PCDH7: variants seen among roughly 807,000 people sequenced by gnomAD.
The protein encoded by PCDH7 is protocadherin-7.
In PCDH7, 17 loss-of-function variants were observed where a neutral mutation model predicts 58.9. The observed-to-expected ratio is 0.29, with a 90% CI of 0.20 to 0.43. The LOEUF is 0.43. Among genes scored for constraint, PCDH7 ranks in the 20% least tolerant of loss-of-function variants. The pLI, the probability that PCDH7 is intolerant of heterozygous loss-of-function variation, is 1.00. For synonymous variants in PCDH7, 664 were observed against 616.4 expected (o/e 1.08, Z -1.14); for missense variants, 1,274 against 1,441.0 (o/e 0.88, Z 1.88).
chr4:30,964,665 T>C (rs1300917013), intron 3 of PCDH7, among the ~76,000 whole-genome samples: 1 of 151,222 alleles, frequency 6.6e-6, no homozygotes, highest in Admixed American at 6.6e-5. Context: ...GCAGCAGATG[T>C]ACAGTTTCAG....
chr4:31,053,657 C>A (rs961930571), intron 3 of PCDH7, among the ~76,000 whole-genome samples: 1 of 152,128 alleles, frequency 6.6e-6, no homozygotes, highest in South Asian at 2.1e-4. Context: ...TCACTGTACT[C>A]TCTTTTTACT....
At chr4:30,938,194 T>A (rs907474164) in intron 2 of PCDH7, among the ~76,000 whole-genome samples, 3 of 152,118 alleles carry the variant, frequency 2.0e-5, no homozygotes, top group Non-Finnish European at 4.4e-5. Flanking sequence ...ACATTATTGC[T>A]CAGACACACA....
At chr4:31,102,703 G>A (rs910219588) in intron 3 of PCDH7, among the ~76,000 whole-genome samples, 1 of 151,864 alleles carries the variant, frequency 6.6e-6, no homozygotes. Flanking sequence ...TATGAAAGGT[G>A]TAGAAAGGTG....
exon 1 of PCDH7, chr4:30,724,482 C>A (rs200262066): frequency 6.2e-7 from 1 of 1,613,964 alleles, no homozygotes; most frequent in African/African-American, 1.3e-5. Context: ...AACACCAGGC[C>A]GTACAAGATC....
chr4:31,054,374 A>T (rs1756985228), intron 3 of PCDH7, among the ~76,000 whole-genome samples: 1 of 152,206 alleles, frequency 6.6e-6, no homozygotes, highest in Admixed American at 6.5e-5. Context: ...GAAAATTATT[A>T]ACATGTCCAA....
intron 3 of PCDH7, among the ~76,000 whole-genome samples, chr4:30,986,965 G>C (rs1751027045): frequency 6.7e-6 from 1 of 149,544 alleles, no homozygotes; most frequent in Admixed American, 6.7e-5. Flanking sequence ...TGACGACAGA[G>C]CGAGATTCCG....
intron 3 of PCDH7, among the ~76,000 whole-genome samples, chr4:31,110,686 C>T (rs887154207): frequency 2.8e-4 from 42 of 152,022 alleles, no homozygotes; most frequent in African/African-American, 1.0e-3. Flanking sequence ...GAGGCCGAGT[C>T]GGGTGGATCA....
Position 31,036,762 on chromosome 4 carries a change from G to A in PCDH7, c.*7+86547G>A, listed in dbSNP as rs372103907. Among the ~76,000 whole-genome samples the A allele has an allele frequency of 1.5e-3, 224 of 152,096 alleles. 1 individual carries two copies. Among genetic ancestry groups the A allele is most frequent in the African/African-American group, 5.1e-3 (213 of 41,506 alleles). On this transcript the variant is annotated intron_variant, in intron 3 of 3. Coordinates refer to the PCDH7 transcript ENST00000509759. Reference sequence around the variant, plus strand: ...CATACCTGTATTAGTTCATTTTCACGTAGCTAATAAAGACATACTGGAGAC... The same window carrying A: ...CATACCTGTATTAGTTCATTTTCACATAGCTAATAAAGACATACTGGAGAC...
chr4:30,921,390 T>C (rs1004319884), intron 2 of PCDH7, among the ~76,000 whole-genome samples: 8 of 152,126 alleles, frequency 5.3e-5, no homozygotes, highest in African/African-American at 1.9e-4. Flanking sequence ...GTTTCTTTAG[T>C]GCTGATATAT....
intron 1 of PCDH7, among the ~76,000 whole-genome samples, chr4:30,824,127 C>CTTTCTTTCTTTT (rs1560407884): frequency 7.6e-5 from 11 of 144,348 alleles, no homozygotes; most frequent in Admixed American, 2.8e-4. Context: ...TTCTTTCTTT[C>CTTTCTTTCTTTT]TTTCTTTCTT....
intron 3 of PCDH7, among the ~76,000 whole-genome samples, chr4:31,007,463 A>G (rs774327680): frequency 6.6e-6 from 1 of 152,182 alleles, no homozygotes; most frequent in African/African-American, 2.4e-5. Context: ...AGACTGTCCT[A>G]GCATAAAAGA....
At chr4:30,913,077 G>T (rs10027633) in intron 1 of PCDH7, among the ~76,000 whole-genome samples, 104,780 of 150,712 alleles carry the variant, frequency 0.7, 36,686 homozygotes, top group African/African-American at 0.79. Flanking sequence ...AAACTATACA[G>T]GAACTTTTGG....
chr4:31,024,246 G>A (rs1325842424), intron 3 of PCDH7, among the ~76,000 whole-genome samples: 2 of 151,986 alleles, frequency 1.3e-5, no homozygotes, highest in African/African-American at 2.4e-5. Context: ...CCTTTAATAC[G>A]TGAAAAAACC....
intron 1 of PCDH7, among the ~76,000 whole-genome samples, chr4:30,894,506 TATATATATATAC>T (rs1408709256): frequency 0.021 from 1,080 of 50,302 alleles, 12 homozygotes; most frequent in Non-Finnish European, 0.026. Context: ...TATATATATA[TATATATATATAC>T]ACACACACAC....
At chr4:30,800,617 G>T (rs952511342) in intron 1 of PCDH7, among the ~76,000 whole-genome samples, 1 of 152,156 alleles carries the variant, frequency 6.6e-6, no homozygotes, top group African/African-American at 2.4e-5. Context: ...ATTTGGGAAA[G>T]GTTTAATGAT....
chr4:31,032,131 C>T (rs1754975435), intron 3 of PCDH7, among the ~76,000 whole-genome samples: 1 of 152,142 alleles, frequency 6.6e-6, no homozygotes, highest in Admixed American at 6.6e-5. Context: ...CAAACAACTT[C>T]TTAAGATCAG....
At chr4:30,776,978 T>G (rs1722151353) in intron 1 of PCDH7, among the ~76,000 whole-genome samples, 1 of 152,066 alleles carries the variant, frequency 6.6e-6, no homozygotes, top group African/African-American at 2.4e-5. Flanking sequence ...ATTCCCTACC[T>G]GAAAAGTGTT....
intron 1 of PCDH7, among the ~76,000 whole-genome samples, chr4:30,798,356 G>T (rs1725065840): frequency 6.6e-6 from 1 of 152,122 alleles, no homozygotes; most frequent in East Asian, 1.9e-4. Flanking sequence ...GCTTACTTGA[G>T]ACGTATCTCC....
rs9992337 is a variant in PCDH7, at chr4:31,011,171, G to A, written c.*7+60956G>A. Among the ~76,000 whole-genome samples the A allele has an allele frequency of 3.6e-3, 552 of 152,060 alleles. 3 individuals are homozygous for A. The highest frequency in any genetic ancestry group is 0.013 in the African/African-American group (533 of 41,544). ...AGACAAGGGCAACCACAAGGTTACA[G>A]TTTTGTAGCAGGTGTGGAATATATA... On this transcript the variant is annotated intron_variant, in intron 3 of 3. Coordinates refer to the PCDH7 transcript ENST00000509759.
Sources: gnomAD v4.1 joint callset for allele counts (sites outside exome capture counted in the v4.1 genomes callset) on GRCh38, gnomAD v4.1.1 for gene constraint, MANE v1.5 for transcripts, NCBI Gene and HGNC (gene_info 2026-07-23, HGNC 2026-07-21) for gene names.